FRY: variants seen among roughly 807,000 people sequenced by gnomAD.
FRY encodes the protein FRY microtubule binding protein.
In FRY, 128 loss-of-function variants were observed where a neutral mutation model predicts 348.4. The ratio of observed to expected loss-of-function variants is 0.37; its 90% CI spans 0.32 to 0.43. FRY has a LOEUF of 0.43. Among genes scored for constraint, FRY ranks in the 20% least tolerant of loss-of-function variants. The pLI is 1.00. For synonymous variants in FRY, 1,370 were observed against 1,374.7 expected, an observed-to-expected ratio of 1.00 and a Z score of 0.08; for missense variants, 2,736 against 3,695.2, an observed-to-expected ratio of 0.74 and a Z score of 6.73.
At chr13:32,181,332 T>G (rs1246529701) in intron 23 of FRY, among the ~76,000 whole-genome samples, 2 of 151,810 alleles carry the variant, frequency 1.3e-5, no homozygotes, top group East Asian at 3.9e-4. Context: ...CAGTGGCTCA[T>G]GCTTGTAATC....
chr13:32,268,613 T>C (rs1310331648), intron 55 of FRY, among the ~76,000 whole-genome samples: 2 of 150,614 alleles, frequency 1.3e-5, no homozygotes, highest in Admixed American at 1.3e-4. Flanking sequence ...ATTGTATCTT[T>C]TCACGGTAAT....
intron 31 of FRY, among the ~76,000 whole-genome samples, chr13:32,207,926 CCTT>C (rs1490880376): frequency 2.6e-5 from 4 of 152,280 alleles, no homozygotes; most frequent in African/African-American, 7.2e-5. Context: ...GGATAAAATA[CCTT>C]CTTCTCTAGA....
rs370930391 is a variant in FRY at position 32,237,681 on chromosome 13, C to T, written c.6113C>T (p.Thr2038Ile). 2.0e-5 allele frequency: 33 copies of T among 1,614,080 alleles called. No homozygotes were observed. Among genetic ancestry groups the T allele is most frequent in the Non-Finnish European group, 2.6e-5 (31 of 1,180,032 alleles). The change falls in exon 44 of 61, where the codon ACC becomes ATC. Residue 2038 changes from threonine to isoleucine, a missense_variant. Around this residue, in one of 9 missense-constraint regions of FRY, gnomAD observed 789 missense variants for 996.2 expected, o/e 0.79. Coordinates refer to ENST00000542859, the MANE Select transcript of FRY (RefSeq NM_023037.3). The surrounding 1 kb of genome is among the most constrained non-coding windows in gnomAD (Gnocchi z 6.3). ...GACCCATCCCACATAAACCATCCCA[C>T]CAACCTGCTGGCCACCATATTCTGG... is the stretch of plus-strand genomic sequence containing the variant. ...LTDPSHINHPTNLLATIFWVT... is the reference protein window; with the variant it reads ...LTDPSHINHPINLLATIFWVT...
At chr13:32,183,179 T>C in intron 24 of FRY, 145 bp downstream of exon 24, 1 of 586,424 alleles carries the variant, frequency 1.7e-6, no homozygotes, top group Non-Finnish European at 3.1e-6. Flanking sequence ...TTTGTTGTTT[T>C]TATTATTTTT....
At chr13:32,078,342 C>CTTCTAAAAA (rs1372769194) in intron 1 of FRY, among the ~76,000 whole-genome samples, 18 of 152,286 alleles carry the variant, frequency 1.2e-4, no homozygotes, top group African/African-American at 4.3e-4. Flanking sequence ...GCCAGCTTGG[C>CTTCTAAAAA]TTCTAAAAAT....
intron 2 of FRY, among the ~76,000 whole-genome samples, chr13:32,087,665 G>GT (rs1184739532): frequency 6.6e-6 from 1 of 152,104 alleles, no homozygotes; most frequent in East Asian, 1.9e-4. Context: ...TGTAAAAGAG[G>GT]TTTTTTCACC....
chr13:32,289,051 T>C (rs1053562920), intron 58 of FRY, among the ~76,000 whole-genome samples: 2 of 152,232 alleles, frequency 1.3e-5, no homozygotes, highest in Non-Finnish European at 2.9e-5. Flanking sequence ...TGATGTCCTT[T>C]CCACAGAAAT....
intron 2 of FRY, among the ~76,000 whole-genome samples, chr13:32,084,182 C>A (rs570576747): frequency 1.3e-5 from 2 of 152,216 alleles, no homozygotes; most frequent in East Asian, 3.9e-4. Flanking sequence ...TTGGCCTTTG[C>A]TCCCTGAAGC....
At chr13:32,257,256 T>C (rs60951040) in intron 51 of FRY, among the ~76,000 whole-genome samples, 13,903 of 152,238 alleles carry the variant, frequency 0.091, 1,215 homozygotes, top group East Asian at 0.27. Flanking sequence ...AGGCATATAG[T>C]TGGCATTGTA....
intron 47 of FRY, among the ~76,000 whole-genome samples, chr13:32,247,040 A>T (rs1276412959): frequency 6.6e-6 from 1 of 152,096 alleles, no homozygotes; most frequent in Non-Finnish European, 1.5e-5. Context: ...TTTCCCTCAA[A>T]TTAAGGAGGT....
At chr13:32,266,557 C>T (rs1055677943) in intron 54 of FRY, among the ~76,000 whole-genome samples, 2 of 152,162 alleles carry the variant, frequency 1.3e-5, no homozygotes, top group Non-Finnish European at 2.9e-5. Context: ...TACTTTGGGG[C>T]ATAGCCTCTG....
At chr13:32,133,717 CAT>C (rs1879514511) in intron 8 of FRY, among the ~76,000 whole-genome samples, 1 of 147,336 alleles carries the variant, frequency 6.8e-6, no homozygotes, top group Non-Finnish European at 1.5e-5. Flanking sequence ...TAGATATTAA[CAT>C]GTTATTATAT....
intron 2 of FRY, among the ~76,000 whole-genome samples, chr13:32,086,199 C>A (rs1287523444): frequency 6.6e-6 from 1 of 152,130 alleles, no homozygotes; most frequent in African/African-American, 2.4e-5. Flanking sequence ...CTAAGTAAAC[C>A]AAGTTTAGAA....
intron 38 of FRY, 37 bp downstream of exon 38, chr13:32,225,073 G>A (rs1566146805): frequency 8.7e-7 from 1 of 1,149,868 alleles, no homozygotes. Flanking sequence ...AGCCAATCGG[G>A]TTAAAAATAT....
chr13:32,047,590 T>A (rs1208401), intron 1 of FRY, among the ~76,000 whole-genome samples: 17 of 145,874 alleles, frequency 1.2e-4, no homozygotes, highest in Non-Finnish European at 2.1e-4. Flanking sequence ...TTGGGGGGGG[T>A]GCAGAGTTTC....
rs536643506 is a variant in FRY, at chr13:32,188,552, A to C, written c.3591+896A>C. 1.3e-4 allele frequency among the ~76,000 whole-genome samples: 20 copies of C among 152,280 alleles called. No homozygotes were observed. In the East Asian group the frequency reaches 3.3e-3, roughly 25 times the overall value. On this transcript the variant is annotated intron_variant, in intron 28 of 60. Transcript: ENST00000542859. ...TATTTTTCTGCTAATGCTTTGGCTA[A>C]CTTTCTCAAAACACTCTTATAATAG...
At chr13:32,231,075 A>G (rs1471475797) in intron 40 of FRY, 104 bp from the exon 41 acceptor site, 2 of 1,004,224 alleles carry the variant, frequency 2.0e-6, no homozygotes, top group African/African-American at 3.2e-5. Context: ...CATAGATTGC[A>G]AAAAATTTAA....
chr13:32,166,932 T>C (rs142669464), intron 17 of FRY, among the ~76,000 whole-genome samples: 56 of 152,286 alleles, frequency 3.7e-4, no homozygotes, highest in African/African-American at 1.3e-3. Flanking sequence ...TGGTAGAGCA[T>C]GTAAACACTG....
intron 51 of FRY, among the ~76,000 whole-genome samples, chr13:32,258,535 C>T (rs577810871): frequency 1.3e-5 from 2 of 152,036 alleles, no homozygotes; most frequent in African/African-American, 4.8e-5. Flanking sequence ...ATCCCTTGAA[C>T]CCAAGAGGCA....
Sources: allele counts gnomAD v4.1 joint callset (sites outside exome capture counted in the v4.1 genomes callset), GRCh38; gene constraint gnomAD v4.1.1; regional missense constraint gnomAD v4.1.1; non-coding constraint Gnocchi (gnomAD v3.1); transcripts MANE v1.5; gene names NCBI Gene and HGNC (gene_info 2026-07-23, HGNC 2026-07-21).